AFM: variants seen among roughly 807,000 people sequenced by gnomAD.
AFM encodes the protein afamin.
Under a neutral mutation model 68.7 loss-of-function variants are expected in AFM, and 82 were observed. The observed-to-expected ratio is 1.19, with a 90% CI of 1.00 to 1.43. The LOEUF is 1.43. Ranked by LOEUF, AFM falls within the 40% of genes most tolerant of loss-of-function variation. The probability of loss-of-function intolerance (pLI) is 0.00; values close to 1 mark genes in which losing one functional copy is unlikely to be tolerated. For synonymous variants in AFM, 250 were observed against 234.2 expected, an observed-to-expected ratio of 1.07 and a Z score of -0.61; for missense variants, 772 against 701.8, an observed-to-expected ratio of 1.10 and a Z score of -1.13.
chr4:73,485,897 G>A lies in AFM; in HGVS notation c.306G>A (p.Glu102=). ...NVLQEKICAM[E]GLPQKHNFSH... is the part of the protein sequence containing the mutation. ...TACAGGAAAAAATATGTGCTATGGA[G>A]GGGCTGCCACAAAAGCATAATTTCT... Residue 102 remains glutamate (E), a synonymous_variant, in exon 4 of 15, where the codon GAG becomes GAA. Transcript: ENST00000226355. The A allele has an allele frequency of 6.2e-7, 1 of 1,614,048 alleles. No homozygotes were observed. Among genetic ancestry groups the A allele is most frequent in the Non-Finnish European group, 8.5e-7 (1 of 1,179,970 alleles).
chr4:73,491,131 C>A (rs1721058308), intron 7 of AFM, among the ~76,000 whole-genome samples: 1 of 151,956 alleles, frequency 6.6e-6, no homozygotes, highest in African/African-American at 2.4e-5. Context: ...CTGGAAGGGC[C>A]CAGAACAGTT....
chr4:73,487,108 A>T lies in AFM; in HGVS notation c.615+9A>T. 6.2e-7 allele frequency: 1 copy of T among 1,613,766 alleles called. No homozygotes were observed. The highest frequency in any genetic ancestry group is 8.5e-7 in the Non-Finnish European group (1 of 1,179,790). ...ACTGCCTTCAAACAAGGGTGGGTAT[A>T]GCATTTGTTCCATGAAGAGGATAAG... On this transcript the variant is annotated intron_variant, in intron 5 of 14. Coordinates refer to ENST00000226355, the MANE Select transcript of AFM (RefSeq NM_001133.2).
At position 73,499,109 on chromosome 4, in the gene AFM, T is replaced by C; in HGVS notation, c.1290-5T>C. 5 of 1,609,092 alleles carry C rather than the reference T, an allele frequency of 3.1e-6. No homozygotes were observed. In the South Asian group the frequency reaches 4.4e-5, roughly 14 times the overall value. On this transcript the variant is annotated splice_polypyrimidine_tract_variant and splice_region_variant and intron_variant, in intron 10 of 14. Coordinates refer to ENST00000226355, the MANE Select transcript of AFM (RefSeq NM_001133.2). ...TCAGAACCAAACAGACAAATGTTCT[T>C]TCAGTTACCTCATCAGGCTCACGAA...
In AFM at chr4:73,497,696, A is replaced by G; in HGVS notation, c.1236A>G (p.Val412=). Residue 412 remains valine, a synonymous_variant, in exon 10 of 15, where the codon GTA becomes GTG. Transcript: ENST00000226355. ...NETTEKSLKM[V]QQECKHFQNL... is the part of the protein sequence containing the mutation. ...CAACTGAGAAAAGCCTCAAGATGGT[A>G]CAACAAGAATGTAAACATTTCCAGA... The G allele has an allele frequency of 2.5e-6, 4 of 1,610,856 alleles. No homozygotes were observed. The highest frequency in any genetic ancestry group is 3.4e-6 in the Non-Finnish European group (4 of 1,178,290).
intron 9 of AFM, 129 bp from the exon 10 acceptor site, chr4:73,497,523 T>C (rs1483195073): frequency 2.1e-6 from 1 of 469,438 alleles, no homozygotes; most frequent in East Asian, 3.7e-5. Context: ...AAAAGTGCCC[T>C]GAATTTAGTG....
chr4:73,503,163 CT>C, intron 14 of AFM, 53 bp downstream of exon 14: 4 of 1,374,916 alleles, frequency 2.9e-6, no homozygotes, highest in Non-Finnish European at 4.1e-6. Flanking sequence ...CTTATCTGAT[CT>C]CCTTGCCTTT....
In AFM at chr4:73,502,035, G is replaced by C; in HGVS notation, c.1779+116G>C. ...CAGTGTCTACCAGGACTACATTTGA[G>C]AGCACAATTGCTACACAACTAATAT... On this transcript the variant is annotated intron_variant, in intron 13 of 14. Transcript: ENST00000226355. 3.6e-6 allele frequency: 4 copies of C among 1,115,830 alleles called. No homozygotes were observed. In the South Asian group the frequency reaches 6.6e-5, roughly 18 times the overall value. 69.1% of individuals were successfully genotyped at this position (1,115,830 alleles called of 1,614,324 possible).
rs768923786 is a variant in AFM, at chr4:73,488,679, C to A, written c.763C>A (p.Leu255Ile). ...ATTCCCCAAGATTGAATTTAAGGAG[C>A]TTATTTCTCTTGTAGAAGATGTTTC... ...QKFPKIEFKE[L>I]ISLVEDVSSN... is the part of the protein sequence containing the mutation. Residue 255 changes from leucine to isoleucine, a missense_variant, in exon 7 of 15, where the codon CTT becomes ATT. Coordinates refer to ENST00000226355, the MANE Select transcript of AFM (RefSeq NM_001133.2). 2.5e-6 allele frequency: 4 copies of A among 1,612,504 alleles called. No individual in the cohort carries two copies. The highest frequency in any genetic ancestry group is 1.3e-5 in the African/African-American group (1 of 74,870).
chr4:73,484,458 C>CTT, intron 3 of AFM, 68 bp downstream of exon 3: 1 of 462,144 alleles, frequency 2.2e-6, no homozygotes, highest in Non-Finnish European at 3.8e-6. Context: ...TTCTTTCTTT[C>CTT]TTTCTTTCTT....
chr4:73,494,144 C>T (rs1721182765), intron 8 of AFM, among the ~76,000 whole-genome samples: 1 of 151,762 alleles, frequency 6.6e-6, no homozygotes, highest in Admixed American at 6.6e-5. Context: ...TTAAGAGGAG[C>T]CCTGATTCTC....
At chr4:73,486,232 C>G (rs1180703725) in intron 4 of AFM, among the ~76,000 whole-genome samples, 159 bp downstream of exon 4, 7 of 152,100 alleles carry the variant, frequency 4.6e-5, no homozygotes, top group Non-Finnish European at 5.9e-5. Flanking sequence ...GCTCAGTGTT[C>G]AGGATATAAC....
chr4:73,497,472 A>G (rs1721286329), intron 9 of AFM, among the ~76,000 whole-genome samples, 180 bp from the exon 10 acceptor site: 1 of 152,212 alleles, frequency 6.6e-6, no homozygotes, highest in African/African-American at 2.4e-5. Flanking sequence ...ATATATTTTT[A>G]TATACATAAT....
chr4:73,498,113 C>T (rs1294632307), intron 10 of AFM, among the ~76,000 whole-genome samples: 1 of 152,102 alleles, frequency 6.6e-6, no homozygotes, highest in Admixed American at 6.6e-5. Context: ...GTTTGCCTTG[C>T]CTTGCCTTAC....
intron 8 of AFM, 158 bp from the exon 9 acceptor site, chr4:73,495,142 C>A: frequency 1.8e-6 from 1 of 554,188 alleles, no homozygotes; most frequent in Non-Finnish European, 2.9e-6. Context: ...TGATCTATAG[C>A]CAAAATGTCC....
intron 13 of AFM, among the ~76,000 whole-genome samples, chr4:73,502,637 C>G (rs960285336): frequency 2.0e-5 from 3 of 152,152 alleles, no homozygotes; most frequent in African/African-American, 7.2e-5. Flanking sequence ...ACTCCAAACT[C>G]ACAATTCATG....
chr4:73,487,699 A>G (rs749242088), intron 5 of AFM, 25 bp from the exon 6 acceptor site: 3 of 1,487,292 alleles, frequency 2.0e-6, no homozygotes, highest in East Asian at 2.3e-5. Context: ...TATTGTTTCA[A>G]AAGAATTTTC....
Position 73,487,772 on chromosome 4 carries a change from C to T in AFM, c.664C>T (p.His222Tyr), listed in dbSNP as rs926580852. The T allele has an allele frequency of 3.1e-6, 5 of 1,613,146 alleles. No individual in the cohort carries two copies. Among genetic ancestry groups the T allele is most frequent in the African/African-American group, 2.7e-5 (2 of 74,884 alleles). Residue 222 changes from histidine (H) to tyrosine (Y), a missense_variant, in exon 6 of 15, where the codon CAT becomes TAT. His to Tyr is a moderately conservative substitution (Grantham distance 83). Coordinates refer to ENST00000226355, the MANE Select transcript of AFM (RefSeq NM_001133.2). ...YLKAFSSYQK[H>Y]VCGALLKFGT... ...AAAAGCATTTTCTTCTTATCAAAAACATGTCTGTGGGGCACTTTTGAAATT... is the reference window on the plus strand; with the variant it reads ...AAAAGCATTTTCTTCTTATCAAAAATATGTCTGTGGGGCACTTTTGAAATT...
intron 4 of AFM, 152 bp downstream of exon 4, chr4:73,486,225 C>A: frequency 1.4e-6 from 1 of 733,428 alleles, no homozygotes; most frequent in Non-Finnish European, 2.2e-6. Context: ...ATACTGTGCT[C>A]AGTGTTCAGG....
chr4:73,484,504 T>A, intron 3 of AFM, 114 bp downstream of exon 3: 1 of 749,146 alleles, frequency 1.3e-6, no homozygotes, highest in Non-Finnish European at 1.9e-6. Flanking sequence ...CTTTCTTTCT[T>A]TCATTCTTTC....
Sources: gnomAD v4.1 joint callset for allele counts (sites outside exome capture counted in the v4.1 genomes callset) on GRCh38, gnomAD v4.1.1 for gene constraint, MANE v1.5 for transcripts, NCBI Gene and HGNC (gene_info 2026-07-23, HGNC 2026-07-21) for gene names.